Variants in CRISP1 observed in about 807,000 individuals in gnomAD.
The protein encoded by CRISP1 is cysteine rich secretory protein 1.
CRISP1 carries 44 observed loss-of-function variants against 33.1 expected under a neutral mutation model. That is an observed-to-expected ratio of 1.33 (90% CI 1.05 to 1.71). CRISP1 has a LOEUF of 1.71. Ranked by LOEUF, CRISP1 falls within the 40% of genes most tolerant of loss-of-function variation. The probability of loss-of-function intolerance (pLI) is 0.00; values close to 1 mark genes in which losing one functional copy is unlikely to be tolerated. For missense variants in CRISP1, 390 were observed against 301.2 expected (o/e 1.29, Z -2.18); for synonymous variants, 103 against 98.7 (o/e 1.04, Z -0.26).
intron 1 of CRISP1, among the ~76,000 whole-genome samples, chr6:49,864,380 T>C (rs1447198637): frequency 7.7e-6 from 1 of 130,154 alleles, no homozygotes; most frequent in Non-Finnish European, 1.6e-5. Flanking sequence ...ACTGTTGCTA[T>C]TCACTGTGTG....
chr6:49,864,153 G>A (rs1455573141), intron 1 of CRISP1, among the ~76,000 whole-genome samples: 1 of 151,962 alleles, frequency 6.6e-6, no homozygotes, highest in African/African-American at 2.4e-5. Context: ...TATTTTTAAT[G>A]TCTAACCTTT....
intron 2 of CRISP1, among the ~76,000 whole-genome samples, chr6:49,854,902 A>G (rs1307702513): frequency 6.6e-6 from 1 of 152,160 alleles, no homozygotes; most frequent in Non-Finnish European, 1.5e-5. Flanking sequence ...AGCCCTCACC[A>G]CAACAAATAA....
rs1442957824 is a variant in CRISP1 at position 49,848,231 on chromosome 6, G to T, written c.264C>A (p.Asn88Lys). The change falls in exon 4 of 8, where the codon AAC (asparagine) becomes AAA (lysine). Residue 88 changes from asparagine to lysine, a missense_variant. Transcript: ENST00000335847. ...FSKYCDMTES[N>K]PLERRLPNTF... is the part of the protein sequence containing the mutation. ...TACTTGGAAGTCTCCTCTCAAGGGG[G>T]TTGCTCTCTGTCATATCACAATACT... is the stretch of plus-strand genomic sequence containing the variant. 4 of 1,600,846 alleles carry T rather than the reference G, an allele frequency of 2.5e-6. No individual in the cohort carries two copies. Among genetic ancestry groups the T allele is most frequent in the East Asian group, 2.3e-5 (1 of 44,312 alleles).
At chr6:49,853,761 T>C (rs1771418704) in intron 2 of CRISP1, among the ~76,000 whole-genome samples, 1 of 152,126 alleles carries the variant, frequency 6.6e-6, no homozygotes, top group African/African-American at 2.4e-5. Flanking sequence ...TTCACAACTC[T>C]CCTTTTGCAA....
intron 1 of CRISP1, among the ~76,000 whole-genome samples, chr6:49,873,117 A>G (rs1049564755): frequency 2.0e-5 from 3 of 152,088 alleles, no homozygotes; most frequent in Admixed American, 6.6e-5. Context: ...ACATGTGTAC[A>G]TATGTTAACT....
intron 2 of CRISP1, among the ~76,000 whole-genome samples, chr6:49,855,411 C>G (rs1360698339): frequency 6.6e-6 from 1 of 152,098 alleles, no homozygotes; most frequent in Non-Finnish European, 1.5e-5. Context: ...TTATTCTCAG[C>G]CTCTATTTAG....
At chr6:49,846,061 G>T (rs564273322) in intron 5 of CRISP1, among the ~76,000 whole-genome samples, 13 of 152,210 alleles carry the variant, frequency 8.5e-5, no homozygotes, top group Admixed American at 2.6e-4. Context: ...TGGCGATGGC[G>T]TTGCACAACG....
chr6:49,846,602 A>G lies in CRISP1; in HGVS notation c.353T>C (p.Val118Ala). 6.2e-7 allele frequency: 1 copy of G among 1,613,572 alleles called. No homozygotes were observed. Among genetic ancestry groups the G allele is most frequent in the South Asian group, 1.1e-5 (1 of 91,074 alleles). Residue 118 changes from valine (V) to alanine (A), a missense_variant, in exon 5 of 8, where the codon GTC (valine) becomes GCC (alanine). By Grantham distance (64) the Val-to-Ala change is moderately conservative. Transcript: ENST00000335847. ...YPVSWSSVIG[V>A]WYSESTSFKH... ...GAAACTTGTAGACTCACTGTACCAG[A>G]CTCCAATTACACTTGACCATGATAC...
At chr6:49,836,945 T>G (rs1770817862) in intron 7 of CRISP1, among the ~76,000 whole-genome samples, 1 of 152,152 alleles carries the variant, frequency 6.6e-6, no homozygotes, top group Non-Finnish European at 1.5e-5. Context: ...CTTTATTCTC[T>G]TATGTAGTAT....
At chr6:49,840,085 T>C (rs76038595) in intron 6 of CRISP1, among the ~76,000 whole-genome samples, 1,604 of 152,342 alleles carry the variant, frequency 0.011, 33 homozygotes, top group African/African-American at 0.037. Flanking sequence ...AGATATATGA[T>C]GGCGTCACTG....
At chr6:49,867,759 C>T (rs922073095), upstream of CRISP1, among the ~76,000 whole-genome samples, 3 of 152,044 alleles carry the variant, frequency 2.0e-5, no homozygotes, top group African/African-American at 7.2e-5. Context: ...CATAGAAAAG[C>T]TTATCTGTAA....
chr6:49,859,400 G>GAAAAAAAAAA (rs76029848), intron 1 of CRISP1, among the ~76,000 whole-genome samples: 1 of 102,760 alleles, frequency 9.7e-6, no homozygotes. Context: ...AGTGCTGAAA[G>GAAAAAAAAAA]AAAAAAAAAA....
At chr6:49,848,186 G>C in intron 4 of CRISP1, 23 bp downstream of exon 4, 1 of 1,332,712 alleles carries the variant, frequency 7.5e-7, no homozygotes. Context: ...GTCCAAAGGC[G>C]GGTCATATAG....
upstream of CRISP1, among the ~76,000 whole-genome samples, chr6:49,868,497 T>G (rs1771851234): frequency 1.3e-5 from 2 of 152,192 alleles, no homozygotes; most frequent in Non-Finnish European, 2.9e-5. Context: ...AAAAGAAACT[T>G]TAAATCAATC....
chr6:49,853,529 T>G (rs1260525375), intron 2 of CRISP1, among the ~76,000 whole-genome samples: 1 of 152,144 alleles, frequency 6.6e-6, no homozygotes, highest in Non-Finnish European at 1.5e-5. Flanking sequence ...ATCCTCACTT[T>G]AATGGTCACC....
chr6:49,855,924 T>A (rs1403112261), intron 2 of CRISP1, among the ~76,000 whole-genome samples: 3 of 152,212 alleles, frequency 2.0e-5, no homozygotes, highest in African/African-American at 7.2e-5. Flanking sequence ...TGTAATAAAT[T>A]TGTGTTGGGG....
At chr6:49,847,953 T>A (rs778779447) in intron 4 of CRISP1, among the ~76,000 whole-genome samples, 5 of 152,166 alleles carry the variant, frequency 3.3e-5, no homozygotes, top group Admixed American at 2.6e-4. Context: ...TGAGATTTTT[T>A]ATTCATTTCT....
At position 49,848,312 on chromosome 6, in the gene CRISP1, GA is replaced by G. The variant is rs534496777; in HGVS notation, c.196-14del. On this transcript the variant is annotated splice_polypyrimidine_tract_variant and intron_variant, in intron 3 of 7. Coordinates refer to ENST00000335847, the MANE Select transcript of CRISP1 (RefSeq NM_001131.3). ...CTTCACTCCAACTCTGTAGTGGAAA[GA>G]AAAAAAAAGCACATGTTCCAATTAA... 7.5e-4 allele frequency: 1,083 copies of G among 1,444,766 alleles called. No individual in the cohort carries two copies. The highest frequency in any genetic ancestry group is 2.9e-3 in the African/African-American group (197 of 68,780). The allele number at this position is 1,444,766 out of a possible 1,614,324, so 89.5% of individuals were successfully genotyped here.
rs758211722 is a variant in CRISP1 at position 49,852,056 on chromosome 6, A to G, written c.140T>C (p.Ile47Thr). ...LPNVQEEIVN[I>T]HNALRRRVVP... Reference sequence around the variant, plus strand: ...TACTCTTCTCCTGAGGGCGTTGTGTATATTAACGATCTCTTCTTGTACATT... The same window carrying G: ...TACTCTTCTCCTGAGGGCGTTGTGTGTATTAACGATCTCTTCTTGTACATT... Residue 47 changes from isoleucine to threonine, a missense_variant, in exon 3 of 8, where the codon ATA (isoleucine) becomes ACA (threonine). Ile to Thr is a moderately conservative substitution (Grantham distance 89). Coordinates refer to ENST00000335847, the MANE Select transcript of CRISP1 (RefSeq NM_001131.3). The G allele has an allele frequency of 6.2e-7, 1 of 1,613,380 alleles. No individual in the cohort carries two copies. The highest frequency in any genetic ancestry group is 8.5e-7 in the Non-Finnish European group (1 of 1,179,576).
Sources: gnomAD v4.1 joint callset for allele counts (sites outside exome capture counted in the v4.1 genomes callset) on GRCh38, gnomAD v4.1.1 for gene constraint, MANE v1.5 for transcripts, NCBI Gene and HGNC (gene_info 2026-07-23, HGNC 2026-07-21) for gene names.